The following INTS4 variants were observed in gnomAD, a reference collection of about 807,000 sequenced individuals.
The protein encoded by INTS4 is MSTP093.
A neutral mutation model predicts 119.5 loss-of-function variants in INTS4; 70 were observed. That is an observed-to-expected ratio of 0.59 (90% CI 0.48 to 0.71). The LOEUF (loss-of-function observed/expected upper bound fraction) is 0.71. Among genes scored for constraint, INTS4 ranks in the 30% least tolerant of loss-of-function variants. The probability of loss-of-function intolerance (pLI) is 0.00; values close to 1 mark genes in which losing one functional copy is unlikely to be tolerated. For missense variants in INTS4, 867 were observed against 1,173.2 expected (o/e 0.74, Z 3.81); for synonymous variants, 316 against 419.6 (o/e 0.75, Z 3.02).
chr11:77,972,132 G>A (rs1361918208), intron 4 of INTS4, among the ~76,000 whole-genome samples: 1 of 152,096 alleles, frequency 6.6e-6, no homozygotes, highest in Admixed American at 6.5e-5. Context: ...GGGTCTTACT[G>A]TGTCACTCAG....
chr11:77,940,661 G>C (rs1266141714), intron 9 of INTS4, among the ~76,000 whole-genome samples: 1 of 152,120 alleles, frequency 6.6e-6, no homozygotes, highest in Non-Finnish European at 1.5e-5. Flanking sequence ...TTTTGAGACA[G>C]AGTCCCACTC....
intron 2 of INTS4, chr11:77,987,390 T>C (rs187468219): frequency 4.3e-5 from 9 of 207,216 alleles, no homozygotes; most frequent in African/African-American, 1.9e-4. Flanking sequence ...TTAAATAAAA[T>C]ATTACATATG....
At chr11:77,885,207 A>C (rs1951952712) in intron 21 of INTS4, among the ~76,000 whole-genome samples, 1 of 151,830 alleles carries the variant, frequency 6.6e-6, no homozygotes, top group Admixed American at 6.6e-5. Context: ...CCTCCCAAGT[A>C]GCTGGGATTA....
intron 21 of INTS4, 57 bp from the exon 22 acceptor site, chr11:77,884,009 G>A: frequency 6.4e-7 from 1 of 1,561,286 alleles, no homozygotes; most frequent in African/African-American, 1.4e-5. Context: ...TTAACAAAAT[G>A]GATGATGACA....
At chr11:77,928,279 T>C in intron 11 of INTS4, 63 bp downstream of exon 11, 2 of 1,558,158 alleles carry the variant, frequency 1.3e-6, no homozygotes, top group Non-Finnish European at 8.8e-7. Flanking sequence ...CCTAGCACAA[T>C]ACCTGATTTT....
chr11:77,943,163 C>T (rs575519585), intron 8 of INTS4, among the ~76,000 whole-genome samples: 1 of 152,192 alleles, frequency 6.6e-6, no homozygotes, highest in South Asian at 2.1e-4. Context: ...TTCCCAGTGC[C>T]CTCCTCCAAT....
chr11:77,918,764 C>T, intron 15 of INTS4, 57 bp downstream of exon 15: 1 of 1,580,478 alleles, frequency 6.3e-7, no homozygotes, highest in Non-Finnish European at 8.6e-7. Flanking sequence ...GAATTCAGAA[C>T]AGTCAAGCTG....
chr11:77,902,205 A>G (rs1225692720), intron 17 of INTS4, among the ~76,000 whole-genome samples: 2 of 152,188 alleles, frequency 1.3e-5, no homozygotes, highest in Non-Finnish European at 2.9e-5. Flanking sequence ...GTTAAATTAC[A>G]TGAGTGTCTC....
At chr11:77,970,810 T>C (rs1413930746) in intron 4 of INTS4, among the ~76,000 whole-genome samples, 1 of 148,376 alleles carries the variant, frequency 6.7e-6, no homozygotes, top group Non-Finnish European at 1.5e-5. Context: ...TCATTGTGGG[T>C]TTTTTGTTTT....
At chr11:77,980,946 TC>T (rs1423185681) in intron 3 of INTS4, among the ~76,000 whole-genome samples, 2 of 151,602 alleles carry the variant, frequency 1.3e-5, no homozygotes, top group African/African-American at 4.9e-5. Flanking sequence ...TGAGCCGAGA[TC>T]GTGCCACTGC....
chr11:77,909,946 C>T (rs530384565), intron 15 of INTS4, among the ~76,000 whole-genome samples: 2 of 152,268 alleles, frequency 1.3e-5, no homozygotes, highest in Admixed American at 1.3e-4. Flanking sequence ...GGAATCAACA[C>T]GTGCTGGAGA....
At chr11:77,994,402 G>C (rs1169490139) in intron 1 of INTS4, among the ~76,000 whole-genome samples, 188 bp downstream of exon 1, 5 of 152,152 alleles carry the variant, frequency 3.3e-5, no homozygotes, top group Non-Finnish European at 5.9e-5. Context: ...AATCCTGTCA[G>C]ACTTCACATA....
downstream of INTS4, among the ~76,000 whole-genome samples, chr11:77,876,491 G>A (rs1951599068): frequency 6.6e-6 from 1 of 151,836 alleles, no homozygotes; most frequent in Non-Finnish European, 1.5e-5. Flanking sequence ...GAAAATTCAG[G>A]GTAAAAGCAA....
Position 77,967,508 on chromosome 11 carries a change from C to T in INTS4, c.472-6370G>A, listed in dbSNP as rs564787812. ...TGGCAGCCCTTACAGAGGTATATCC[C>T]GTAAGTGAACTGTTGGATCATATGG... On this transcript the variant is annotated intron_variant, in intron 4 of 22. Transcript: ENST00000534064. 4.6e-5 allele frequency among the ~76,000 whole-genome samples: 7 copies of T among 152,214 alleles called. No individual in the cohort carries two copies. The East Asian group carries it at 1.3e-3, about 29-fold the overall frequency.
chr11:77,949,269 G>T (rs1163263363), intron 8 of INTS4, among the ~76,000 whole-genome samples: 1 of 152,030 alleles, frequency 6.6e-6, no homozygotes, highest in Non-Finnish European at 1.5e-5. Flanking sequence ...AAAAACCCTA[G>T]AAGAAAACCT....
chr11:77,913,968 G>A (rs1463975668), intron 15 of INTS4, among the ~76,000 whole-genome samples: 3 of 152,174 alleles, frequency 2.0e-5, no homozygotes, highest in Non-Finnish European at 4.4e-5. Flanking sequence ...AATCTCATGT[G>A]ATACAGGAAT....
chr11:77,912,059 A>T (rs899319273), intron 15 of INTS4, among the ~76,000 whole-genome samples: 1 of 152,038 alleles, frequency 6.6e-6, no homozygotes, highest in African/African-American at 2.4e-5. Flanking sequence ...ATGAGACCAA[A>T]ACTAATTTAA....
chr11:77,893,559 T>C (rs1952368644), intron 19 of INTS4, among the ~76,000 whole-genome samples: 2 of 152,152 alleles, frequency 1.3e-5, no homozygotes, highest in Admixed American at 1.3e-4. Context: ...CAGTGAGCTG[T>C]GCCAGTCTGG....
At chr11:77,963,350 C>G (rs1855330635) in intron 4 of INTS4, 1 of 192,044 alleles carries the variant, frequency 5.2e-6, no homozygotes, top group Non-Finnish European at 9.1e-6. Flanking sequence ...GAGACTCCGT[C>G]TCAAAAAAAA....
Sources: allele counts gnomAD v4.1 joint callset (sites outside exome capture counted in the v4.1 genomes callset), GRCh38; gene constraint gnomAD v4.1.1; transcripts MANE v1.5; gene names NCBI Gene and HGNC (gene_info 2026-07-23, HGNC 2026-07-21).